Variants in CCDC7 observed in about 807,000 individuals in gnomAD.
CCDC7 encodes coiled-coil domain containing 7, also known as coiled-coil domain-containing protein 7.
In CCDC7, 183 loss-of-function variants were observed where a neutral mutation model predicts 196.9. The observed-to-expected ratio is 0.93, with a 90% CI of 0.82 to 1.05. The LOEUF is 1.05. Ranked by LOEUF, CCDC7 falls within the 50% of genes least tolerant of loss-of-function variation. CCDC7 has a pLI of 0.00. For synonymous variants in CCDC7, 525 were observed against 484.6 expected (o/e 1.08, Z -1.10); for missense variants, 1,540 against 1,482.2 (o/e 1.04, Z -0.64).
chr10:32,775,050 G>A (rs1486182517), intron 28 of CCDC7, among the ~76,000 whole-genome samples: 1 of 152,102 alleles, frequency 6.6e-6, no homozygotes, highest in Non-Finnish European at 1.5e-5. Flanking sequence ...ACTTCTATTA[G>A]GAATCTCTGT....
At chr10:32,707,731 A>T (rs559387451) in intron 24 of CCDC7, among the ~76,000 whole-genome samples, 6 of 152,338 alleles carry the variant, frequency 3.9e-5, no homozygotes, top group African/African-American at 1.2e-4. Context: ...ATTGCTTCAA[A>T]GAGAATAAAA....
In CCDC7 at chr10:32,766,872, C is replaced by T. The variant is rs551182927; in HGVS notation, c.2906-12105C>T. On this transcript the variant is annotated intron_variant, in intron 28 of 41. Transcript: ENST00000639629. Reference sequence around the variant, plus strand: ...CTCCCAGCCTACTCTCTTCAGTACCCCTTTCAGCAATATGAGGTTAAAACC... The same window carrying T: ...CTCCCAGCCTACTCTCTTCAGTACCTCTTTCAGCAATATGAGGTTAAAACC... Among the ~76,000 whole-genome samples, 18 of 152,160 alleles carry T rather than the reference C, an allele frequency of 1.2e-4. 2 individuals are homozygous for T. In the South Asian group the frequency reaches 2.7e-3, roughly 23 times the overall value.
At chr10:32,517,321 A>G (rs1409110075) in intron 9 of CCDC7, among the ~76,000 whole-genome samples, 3 of 152,104 alleles carry the variant, frequency 2.0e-5, no homozygotes, top group African/African-American at 7.2e-5. Flanking sequence ...TTGGAACAAT[A>G]TATACAGTGA....
intron 22 of CCDC7, among the ~76,000 whole-genome samples, chr10:32,687,307 A>G (rs926745984): frequency 1.3e-5 from 2 of 152,192 alleles, no homozygotes; most frequent in Admixed American, 6.5e-5. Context: ...TTGGAGACCA[A>G]TCTCTAGACA....
chr10:32,518,336 C>T lies in CCDC7; in HGVS notation c.904-80C>T, dbSNP rs917444939. 45 of 1,379,554 alleles carry T rather than the reference C, an allele frequency of 3.3e-5. No individual in the cohort carries two copies. The East Asian group carries it at 1.2e-3, about 36-fold the overall frequency. The allele number at this position is 1,379,554 out of a possible 1,614,324, so 85.5% of individuals were successfully genotyped here. ...TCATGAGTTAATGAAGACTTTCTTA[C>T]CTTAATAATTAAATATCTGAATAAC... is the stretch of plus-strand genomic sequence containing the variant. On this transcript the variant is annotated intron_variant, in intron 10 of 41. Coordinates refer to ENST00000639629, the Ensembl canonical transcript of CCDC7.
At chr10:32,661,129 GA>G (rs1387551720) in intron 20 of CCDC7, among the ~76,000 whole-genome samples, 32 of 151,286 alleles carry the variant, frequency 2.1e-4, no homozygotes, top group African/African-American at 7.0e-4. Context: ...AAATTTACAA[GA>G]AAAAAACAAC....
At chr10:32,549,732 G>A (rs1361153217) in intron 13 of CCDC7, among the ~76,000 whole-genome samples, 1 of 152,076 alleles carries the variant, frequency 6.6e-6, no homozygotes, top group Non-Finnish European at 1.5e-5. Flanking sequence ...GTAAGTATTT[G>A]GGTTTATTTC....
intron 25 of CCDC7, among the ~76,000 whole-genome samples, chr10:32,722,927 C>T (rs973633813): frequency 3.9e-5 from 6 of 152,140 alleles, no homozygotes; most frequent in African/African-American, 1.4e-4. Flanking sequence ...TTCATAGGCA[C>T]ATAGGGACCT....
intron 23 of CCDC7, among the ~76,000 whole-genome samples, chr10:32,694,032 A>G (rs1421541329): frequency 2.0e-5 from 3 of 152,230 alleles, no homozygotes; most frequent in African/African-American, 7.2e-5. Flanking sequence ...ACAATAAACA[A>G]TGCAGTACAA....
intron 32 of CCDC7, among the ~76,000 whole-genome samples, chr10:32,833,087 G>T (rs990040875): frequency 2.0e-4 from 30 of 152,012 alleles, no homozygotes; most frequent in Admixed American, 1.7e-3. Context: ...TCTTTTCTCA[G>T]TTCTTTAAAA....
intron 8 of CCDC7, among the ~76,000 whole-genome samples, chr10:32,485,981 G>A (rs560501593): frequency 2.0e-5 from 3 of 152,190 alleles, no homozygotes; most frequent in African/African-American, 7.2e-5. Context: ...CGGTTGATTT[G>A]GGGTGGAGAG....
intron 8 of CCDC7, 129 bp from the exon 10 acceptor site, chr10:32,491,793 T>A (rs1334259767): frequency 1.3e-6 from 1 of 756,680 alleles, no homozygotes; most frequent in Non-Finnish European, 1.9e-6. Context: ...CTGTTAATAG[T>A]CATGTAGCCC....
At chr10:32,829,212 G>T (rs1409652586) in intron 32 of CCDC7, among the ~76,000 whole-genome samples, 1 of 152,168 alleles carries the variant, frequency 6.6e-6, no homozygotes, top group Non-Finnish European at 1.5e-5. Flanking sequence ...ATCCAGGCAG[G>T]ACTACAAATA....
At chr10:32,722,667 C>A (rs946712890) in intron 25 of CCDC7, among the ~76,000 whole-genome samples, 2 of 151,934 alleles carry the variant, frequency 1.3e-5, no homozygotes, top group African/African-American at 4.8e-5. Context: ...AATTAGGGCC[C>A]ACTCTAATGA....
intron 20 of CCDC7, among the ~76,000 whole-genome samples, chr10:32,642,609 T>C (rs752553549): frequency 1.3e-4 from 20 of 152,196 alleles, no homozygotes; most frequent in Non-Finnish European, 2.4e-4. Context: ...ACTTCCCAGG[T>C]GAGGTGATGC....
At chr10:32,841,379 A>G (rs2092960098) in intron 33 of CCDC7, among the ~76,000 whole-genome samples, 1 of 152,058 alleles carries the variant, frequency 6.6e-6, no homozygotes. Flanking sequence ...AATCAAATCA[A>G]GAACTCAACT....
chr10:32,472,495 GA>G lies in CCDC7; in HGVS notation c.693del (p.Pro232GlnfsTer4). On this transcript the variant is annotated frameshift_variant, in exon 7 of 42. Transcript: ENST00000639629. LOFTEE classifies it high-confidence loss of function. ...AACTTTAACAGGGATAAAGAAAATC[GA>G]CCAGAAGCAGTGAAAAGTTGTGAAG... 6.3e-7 allele frequency: 1 copy of G among 1,583,438 alleles called. No individual in the cohort carries two copies. The highest frequency in any genetic ancestry group is 8.6e-7 in the Non-Finnish European group (1 of 1,164,604).
chr10:32,858,645 T>A (rs2093851416), intron 41 of CCDC7, among the ~76,000 whole-genome samples: 1 of 151,896 alleles, frequency 6.6e-6, no homozygotes, highest in South Asian at 2.1e-4. Context: ...TTATTGAAAG[T>A]TTTAATAGTA....
chr10:32,818,218 A>G (rs1189083285), intron 31 of CCDC7, among the ~76,000 whole-genome samples: 8 of 152,240 alleles, frequency 5.3e-5, no homozygotes, highest in Admixed American at 5.2e-4. Flanking sequence ...CTTTAAACCA[A>G]TGAAGATCAA....
Sources: gnomAD v4.1 joint callset for allele counts (sites outside exome capture counted in the v4.1 genomes callset) on GRCh38, gnomAD v4.1.1 for gene constraint, MANE v1.5 for transcripts, NCBI Gene and HGNC (gene_info 2026-07-23, HGNC 2026-07-21) for gene names.